H2BC4: variants seen among roughly 807,000 people sequenced by gnomAD.
The protein encoded by H2BC4 is H2B clustered histone 4.
In H2BC4, 10 loss-of-function variants were observed where a neutral mutation model predicts 6.2. That is an observed-to-expected ratio of 1.61 (90% CI 0.99 to 2.73). The LOEUF (loss-of-function observed/expected upper bound fraction) is 2.73, where lower values mean the gene tolerates loss of function less well. Ranked by LOEUF, H2BC4 falls within the 30% of genes most tolerant of loss-of-function variation. The pLI is 0.00. For synonymous variants in H2BC4, 146 were observed against 70.7 expected (o/e 2.07, Z -5.35); for missense variants, 176 against 168.7 (o/e 1.04, Z -0.24).
Position 26,123,571 on chromosome 6 carries a change from C to A in H2BC4, c.334G>T (p.Val112Leu). 1 of 1,614,274 alleles carries A rather than the reference C, an allele frequency of 6.2e-7. No individual in the cohort carries two copies. The highest frequency in any genetic ancestry group is 8.5e-7 in the Non-Finnish European group (1 of 1,180,048). ...GTGACGGCCTTGGTGCCCTCCGACA[C>A]GGCGTGCTTGGCCAGCTCTCCGGGA... ...LLPGELAKHA[V>L]SEGTKAVTKY... The change falls in exon 1 of 1, where the codon GTG becomes TTG. Residue 112 changes from valine to leucine, a missense_variant. Physicochemically the swap from Val to Leu is conservative, Grantham distance 32. Coordinates refer to ENST00000396984, the MANE Select transcript of H2BC4 (RefSeq NM_003526.3).
downstream of H2BC4, among the ~76,000 whole-genome samples, chr6:26,122,252 G>T (rs544271743): frequency 2.6e-5 from 4 of 152,080 alleles, no homozygotes; most frequent in African/African-American, 4.8e-5. Context: ...GCAGATTTAA[G>T]ATCACACAGT....
chr6:26,123,241 G>C (rs946101189), downstream of H2BC4: 4 of 490,136 alleles, frequency 8.2e-6, no homozygotes, highest in Admixed American at 1.2e-4. Flanking sequence ...GGTTTCTTCC[G>C]GGAACGCCGA....
In H2BC4 at chr6:26,123,607, G is replaced by T; in HGVS notation, c.298C>A (p.Arg100Ser). 1.2e-6 allele frequency: 2 copies of T among 1,614,278 alleles called. No individual in the cohort carries two copies. Among genetic ancestry groups the T allele is most frequent in the Non-Finnish European group, 1.7e-6 (2 of 1,180,048 alleles). Residue 100 changes from arginine to serine, a missense_variant, in exon 1 of 1, where the codon CGC becomes AGC. By Grantham distance (110) the Arg-to-Ser change is moderately radical. Transcript: ENST00000396984. ...ITSREIQTAV[R>S]LLLPGELAKH... is the part of the protein sequence containing the mutation. ...GCCAGCTCTCCGGGAAGCAGCAGGC[G>T]CACGGCCGTCTGGATCTCCCTGGAG...
chr6:26,123,710 A>C lies in H2BC4; in HGVS notation c.195T>G (p.Ser65=). 6.2e-7 allele frequency: 1 copy of C among 1,614,270 alleles called. No individual in the cohort carries two copies. The highest frequency in any genetic ancestry group is 8.5e-7 in the Non-Finnish European group (1 of 1,180,046). Reference sequence around the variant, plus strand: ...TGCGCTCAAATATGTCGTTAACGAAAGAATTCATGATGCCCATGGCCTTGG... The same window carrying C: ...TGCGCTCAAATATGTCGTTAACGAACGAATTCATGATGCCCATGGCCTTGG... ...ISSKAMGIMN[S]FVNDIFERIA... is the part of the protein sequence containing the mutation. The change falls in exon 1 of 1, where the codon TCT becomes TCG. Residue 65 remains serine (S), a synonymous_variant. Transcript: ENST00000396984.
downstream of H2BC4, among the ~76,000 whole-genome samples, chr6:26,118,534 T>C (rs1325695757): frequency 1.3e-5 from 2 of 152,210 alleles, no homozygotes; most frequent in Non-Finnish European, 2.9e-5. Flanking sequence ...GATTTGTTTA[T>C]TTGCTTGTTT....
chr6:26,122,077 A>G (rs997699534), downstream of H2BC4, among the ~76,000 whole-genome samples: 3 of 151,932 alleles, frequency 2.0e-5, no homozygotes, highest in Non-Finnish European at 4.4e-5. Context: ...AAAAAGAAAA[A>G]AAAATTTACT....
downstream of H2BC4, chr6:26,123,297 G>A (rs1763534063): frequency 5.4e-6 from 4 of 742,844 alleles, no homozygotes; most frequent in East Asian, 3.0e-5. Context: ...TAAGCACAAC[G>A]AATTGACCCC....
intron 1 of H2BC4, among the ~76,000 whole-genome samples, chr6:26,116,054 ATTCATATT>A (rs2113793720): frequency 6.6e-6 from 1 of 152,334 alleles, no homozygotes; most frequent in South Asian, 2.1e-4. Context: ...ACAAAAGTTT[ATTCATATT>A]TCTCTTGAAT....
downstream of H2BC4, among the ~76,000 whole-genome samples, chr6:26,120,320 G>A (rs559116889): frequency 4.1e-4 from 62 of 152,166 alleles, no homozygotes; most frequent in South Asian, 0.013. Flanking sequence ...GCGTGGTGGT[G>A]CACCTGTAAT....
At chr6:26,123,268 C>T, downstream of H2BC4, 1 of 607,814 alleles carries the variant, frequency 1.6e-6, no homozygotes, top group Non-Finnish European at 2.6e-6. Flanking sequence ...AAAATGGCCG[C>T]TTGTCTCCAT....
downstream of H2BC4, chr6:26,123,267 G>T (rs1185863024): frequency 1.7e-6 from 1 of 595,308 alleles, no homozygotes; most frequent in Non-Finnish European, 2.7e-6. Context: ...CAAAATGGCC[G>T]CTTGTCTCCA....
downstream of H2BC4, among the ~76,000 whole-genome samples, chr6:26,121,578 G>A (rs1360316590): frequency 6.6e-6 from 1 of 152,126 alleles, no homozygotes. Flanking sequence ...ACAAGCAATA[G>A]AATTATTTCA....
rs1372119239 is a variant in H2BC4, at chr6:26,123,490, T to A, written c.*34A>T. 6.2e-7 allele frequency: 1 copy of A among 1,613,214 alleles called. No homozygotes were observed. Among genetic ancestry groups the A allele is most frequent in the Admixed American group, 1.7e-5 (1 of 59,708 alleles). ...TCTGGGTGGCTCTTAAAAGAGCCTT[T>A]GGGGTTAGGTGTTAAGACGCTTACT... On this transcript the variant is annotated 3_prime_UTR_variant, in exon 1 of 1. Transcript: ENST00000396984.
downstream of H2BC4, chr6:26,123,231 G>A (rs1431625838): frequency 1.5e-5 from 7 of 461,490 alleles, no homozygotes; most frequent in South Asian, 2.8e-5. Flanking sequence ...GCGAGCCTGC[G>A]GTTTCTTCCG....
downstream of H2BC4, among the ~76,000 whole-genome samples, chr6:26,119,343 A>G (rs1763468830): frequency 6.6e-6 from 1 of 152,214 alleles, no homozygotes; most frequent in Non-Finnish European, 1.5e-5. Flanking sequence ...TGTTATTTGC[A>G]TAAAACTACA....
At chr6:26,117,814 A>G (rs891484477) in intron 1 of H2BC4, among the ~76,000 whole-genome samples, 6 of 152,378 alleles carry the variant, frequency 3.9e-5, no homozygotes, top group Middle Eastern at 3.4e-3. Flanking sequence ...CTGTCTAGGA[A>G]TAGGATGTTA....
chr6:26,123,438 G>T (rs180677864), downstream of H2BC4: 70 of 1,565,554 alleles, frequency 4.5e-5, no homozygotes, highest in Non-Finnish European at 6.0e-5. Context: ...AAAATTTGGC[G>T]TCTGGCCACA....
downstream of H2BC4, among the ~76,000 whole-genome samples, chr6:26,121,959 A>C (rs915929108): frequency 6.6e-6 from 1 of 151,358 alleles, no homozygotes; most frequent in African/African-American, 2.4e-5. Context: ...AGGCTGAGGC[A>C]GGAGAATGGC....
At chr6:26,119,681 CTTTTGT>C (rs1561953951), downstream of H2BC4, among the ~76,000 whole-genome samples, 2 of 151,776 alleles carry the variant, frequency 1.3e-5, no homozygotes, top group South Asian at 2.1e-4. Context: ...GTTAAATTAG[CTTTTGT>C]TTTTGTTTTT....
Sources: gnomAD v4.1 joint callset for allele counts (sites outside exome capture counted in the v4.1 genomes callset) on GRCh38, gnomAD v4.1.1 for gene constraint, MANE v1.5 for transcripts, NCBI Gene and HGNC (gene_info 2026-07-23, HGNC 2026-07-21) for gene names.